The following SPMIP2 variants were observed in gnomAD, a reference collection of about 807,000 sequenced individuals.
The protein encoded by SPMIP2 is sperm microtubule inner protein 2.
the SPMIP2 span, among the ~76,000 whole-genome samples, chr4:158,941,805 G>A: frequency 6.6e-6 from 1 of 152,040 alleles, no homozygotes; most frequent in East Asian, 1.9e-4. Context: ...GGTAAGAAAT[G>A]TACCTGGTTC....
the SPMIP2 span, among the ~76,000 whole-genome samples, chr4:158,978,047 T>C: frequency 1.3e-5 from 2 of 152,258 alleles, no homozygotes; most frequent in South Asian, 4.1e-4. Context: ...CTTTCTCCTG[T>C]GGGCATTTAC....
At chr4:158,984,118 A>G in the SPMIP2 span, among the ~76,000 whole-genome samples, 4 of 125,724 alleles carry the variant, frequency 3.2e-5, no homozygotes, top group African/African-American at 8.8e-5. Flanking sequence ...ATATGCACCC[A>G]ATACAGGAGC....
At chr4:159,061,060 G>A in the SPMIP2 span, among the ~76,000 whole-genome samples, 102 of 143,370 alleles carry the variant, frequency 7.1e-4, no homozygotes, top group Admixed American at 3.6e-3. Context: ...ACTCTAGCCT[G>A]GGCAACAGAG....
the SPMIP2 span, among the ~76,000 whole-genome samples, chr4:158,979,858 C>T: frequency 7.6e-6 from 1 of 132,418 alleles, no homozygotes; most frequent in African/African-American, 2.9e-5. Flanking sequence ...CAGAACTGTT[C>T]ACTCCTCTGG....
At chr4:159,000,571 T>G in the SPMIP2 span, among the ~76,000 whole-genome samples, 10 of 149,660 alleles carry the variant, frequency 6.7e-5, no homozygotes, top group Non-Finnish European at 1.0e-4. Flanking sequence ...CTCCGCTCAC[T>G]GCAACCTCTG....
chr4:158,904,806 G>A, the SPMIP2 span: 1 of 429,638 alleles, frequency 2.3e-6, no homozygotes, highest in South Asian at 2.8e-5. Flanking sequence ...GACCTTTTTG[G>A]TAGGAGGAAA....
chr4:158,936,323 T>A, the SPMIP2 span, among the ~76,000 whole-genome samples: 1 of 152,250 alleles, frequency 6.6e-6, no homozygotes, highest in Non-Finnish European at 1.5e-5. Flanking sequence ...GAGTTTCACA[T>A]AGAGAAATAA....
the SPMIP2 span, among the ~76,000 whole-genome samples, chr4:159,065,719 A>G: frequency 6.6e-6 from 1 of 152,220 alleles, no homozygotes; most frequent in African/African-American, 2.4e-5. Context: ...CCTGTTAAAT[A>G]TGCCACATAC....
the SPMIP2 span, among the ~76,000 whole-genome samples, chr4:159,057,067 A>G: frequency 6.6e-6 from 1 of 152,098 alleles, no homozygotes; most frequent in Non-Finnish European, 1.5e-5. Context: ...CATTTTTTCT[A>G]TTGCCTTAGA....
chr4:158,969,666 A>G, the SPMIP2 span, among the ~76,000 whole-genome samples: 3 of 152,302 alleles, frequency 2.0e-5, no homozygotes, highest in South Asian at 6.2e-4. Context: ...TAGTGCCCCA[A>G]ATAGGAGAAA....
chr4:159,020,704 T>C, the SPMIP2 span, among the ~76,000 whole-genome samples: 1 of 152,210 alleles, frequency 6.6e-6, no homozygotes, highest in Non-Finnish European at 1.5e-5. Flanking sequence ...CCCAAATGTA[T>C]GCTTCAACTT....
At chr4:158,914,868 A>G in the SPMIP2 span, among the ~76,000 whole-genome samples, 1 of 152,130 alleles carries the variant, frequency 6.6e-6, no homozygotes, top group Admixed American at 6.6e-5. Context: ...CATTTCACAA[A>G]CGGTGCTTTC....
the SPMIP2 span, among the ~76,000 whole-genome samples, chr4:158,954,690 A>G: frequency 6.6e-6 from 1 of 152,220 alleles, no homozygotes; most frequent in African/African-American, 2.4e-5. Flanking sequence ...ATGACTCAGA[A>G]ACATCTAGAA....
chr4:158,927,527 T>A, the SPMIP2 span, among the ~76,000 whole-genome samples: 1 of 152,190 alleles, frequency 6.6e-6, no homozygotes, highest in African/African-American at 2.4e-5. Flanking sequence ...TATTGAGAGG[T>A]GACAGCGTGC....
At chr4:159,069,111 T>C in the SPMIP2 span, among the ~76,000 whole-genome samples, 141 of 152,326 alleles carry the variant, frequency 9.3e-4, 1 homozygote, top group Admixed American at 2.6e-3. Flanking sequence ...GAGACTAGCC[T>C]GGCCAATGTT....
the SPMIP2 span, among the ~76,000 whole-genome samples, chr4:159,000,025 CT>C: frequency 1.3e-4 from 20 of 148,746 alleles, no homozygotes; most frequent in East Asian, 3.9e-4. Context: ...CAATTTCTTT[CT>C]TTTTTTTTTA....
At chr4:158,895,116 CTA>C in the SPMIP2 span, among the ~76,000 whole-genome samples, 1 of 152,274 alleles carries the variant, frequency 6.6e-6, no homozygotes, top group East Asian at 1.9e-4. Context: ...AAGCTGAACA[CTA>C]TTCCAAGGGT....
chr4:158,997,049 C>G, the SPMIP2 span, among the ~76,000 whole-genome samples: 1 of 152,144 alleles, frequency 6.6e-6, no homozygotes, highest in Non-Finnish European at 1.5e-5. Context: ...GGAAAACATT[C>G]CTCAGAGAAA....
chr4:159,035,062 G>A, the SPMIP2 span: 1 of 1,613,334 alleles, frequency 6.2e-7, no homozygotes, highest in Admixed American at 1.7e-5. Flanking sequence ...TCCCACAGTA[G>A]TAGATGTTGG....
Sources: gnomAD v4.1 joint callset for allele counts (sites outside exome capture counted in the v4.1 genomes callset) on GRCh38, gnomAD v4.1.1 for gene constraint, MANE v1.5 for transcripts, NCBI Gene and HGNC (gene_info 2026-07-23, HGNC 2026-07-21) for gene names.